ERG: variants seen among roughly 807,000 people sequenced by gnomAD.
ERG encodes transcriptional regulator ERG.
In ERG, 9 loss-of-function variants were observed where a neutral mutation model predicts 55.3. The observed-to-expected ratio is 0.16, with a 90% CI of 0.10 to 0.28. The LOEUF is 0.28. ERG is among the 10% of genes least tolerant of loss of function. The pLI is 1.00. For missense variants in ERG, 434 were observed against 631.6 expected (o/e 0.69, Z 3.35); for synonymous variants, 223 against 237.3 (o/e 0.94, Z 0.55).
At chr21:38,369,134 T>C in the ERG span, among the ~76,000 whole-genome samples, 1 of 152,246 alleles carries the variant, frequency 6.6e-6, no homozygotes. Flanking sequence ...ATATACCCAG[T>C]AATGGGATTG....
chr21:38,659,187 C>G (rs1015748), intron 1 of ERG, among the ~76,000 whole-genome samples: 10,112 of 152,228 alleles, frequency 0.066, 819 homozygotes, highest in African/African-American at 0.19. Context: ...TACCAAATGG[C>G]AAATAGCATT....
intron 2 of ERG, among the ~76,000 whole-genome samples, chr21:38,509,429 C>T (rs2059494656): frequency 6.6e-6 from 1 of 152,136 alleles, no homozygotes; most frequent in Non-Finnish European, 1.5e-5. Context: ...GAAAAATATG[C>T]CAAAATTACA....
chr21:38,645,609 C>T (rs948616900), intron 1 of ERG, among the ~76,000 whole-genome samples: 3 of 152,160 alleles, frequency 2.0e-5, no homozygotes, highest in African/African-American at 7.2e-5. Flanking sequence ...CTCAAACTAA[C>T]TCTATCTGTA....
In ERG at chr21:38,413,701, T is replaced by A. The variant is rs529214958; in HGVS notation, c.388+9709A>T. 1.2e-3 allele frequency among the ~76,000 whole-genome samples: 175 copies of A among 150,000 alleles called. 1 individual carries two copies. The highest frequency in any genetic ancestry group is 2.2e-3 in the Non-Finnish European group (146 of 67,682). On this transcript the variant is annotated intron_variant, in intron 3 of 9. Transcript: ENST00000288319. ...TAATCATCTTGTTTTTGGATAATGA[T>A]CGTTATTGTTCTTTGTTTTCTTTTG... is the stretch of plus-strand genomic sequence containing the variant.
intron 1 of ERG, among the ~76,000 whole-genome samples, chr21:38,476,386 C>G (rs921793241): frequency 3.9e-5 from 6 of 152,192 alleles, no homozygotes. Flanking sequence ...GAGCCTGGCT[C>G]TTCGTAACAC....
At chr21:38,483,396 T>A (rs2059255159) in intron 1 of ERG, among the ~76,000 whole-genome samples, 1 of 152,216 alleles carries the variant, frequency 6.6e-6, no homozygotes, top group Non-Finnish European at 1.5e-5. Flanking sequence ...AAACATCATG[T>A]TGTACACCTT....
intron 1 of ERG, among the ~76,000 whole-genome samples, chr21:38,625,542 T>C (rs2060319099): frequency 6.6e-6 from 1 of 152,168 alleles, no homozygotes; most frequent in Admixed American, 6.5e-5. Flanking sequence ...GAACATTTTC[T>C]GTCAAGGTGC....
intron 1 of ERG, among the ~76,000 whole-genome samples, chr21:38,478,495 T>A (rs116560100): frequency 2.0e-5 from 3 of 152,230 alleles, no homozygotes; most frequent in African/African-American, 7.2e-5. Context: ...AGATGGGCTA[T>A]GGGCACGTGA....
At chr21:38,406,091 C>G (rs1052187425) in intron 3 of ERG, among the ~76,000 whole-genome samples, 1 of 141,064 alleles carries the variant, frequency 7.1e-6, no homozygotes, top group African/African-American at 2.6e-5. Context: ...GGAGGTGGAG[C>G]TTGCAGTGAG....
chr21:38,555,214 C>T (rs951529375), intron 2 of ERG, among the ~76,000 whole-genome samples: 15 of 152,066 alleles, frequency 9.9e-5, no homozygotes, highest in Non-Finnish European at 8.8e-5. Context: ...GTAATCCCAG[C>T]TACTCAGGAG....
chr21:38,548,139 T>G (rs917981504), intron 2 of ERG, among the ~76,000 whole-genome samples: 1 of 152,094 alleles, frequency 6.6e-6, no homozygotes, highest in Non-Finnish European at 1.5e-5. Flanking sequence ...AGATGCAAAT[T>G]GTACCCCTGT....
downstream of ERG, among the ~76,000 whole-genome samples, chr21:38,377,645 T>G (rs1987279979): frequency 6.6e-6 from 1 of 152,220 alleles, no homozygotes; most frequent in Non-Finnish European, 1.5e-5. Flanking sequence ...GGTTCGTGAC[T>G]TCTACACCAA....
At chr21:38,374,562 G>A in the ERG span, among the ~76,000 whole-genome samples, 1 of 152,138 alleles carries the variant, frequency 6.6e-6, no homozygotes, top group South Asian at 2.1e-4. Context: ...AAGGGACCAG[G>A]CCACCTTCAG....
intron 3 of ERG, among the ~76,000 whole-genome samples, chr21:38,406,433 C>T (rs1343757634): frequency 6.6e-6 from 1 of 152,020 alleles, no homozygotes; most frequent in Non-Finnish European, 1.5e-5. Flanking sequence ...TTTCTTTTTT[C>T]ATGACATGTC....
chr21:38,482,326 C>T (rs574921757), intron 1 of ERG, among the ~76,000 whole-genome samples: 17 of 152,152 alleles, frequency 1.1e-4, no homozygotes, highest in Admixed American at 2.6e-4. Context: ...TATCACCTCA[C>T]GCCTGTTCAG....
rs187933932 is a variant in ERG, at chr21:38,496,785, G to C, written c.18+1578C>G. Among the ~76,000 whole-genome samples the C allele has an allele frequency of 2.4e-3, 359 of 152,144 alleles. 1 individual carries two copies. The highest frequency in any genetic ancestry group is 8.3e-3 in the African/African-American group (345 of 41,508). ...ACAGTATAACACATTTGGATGTTTTGCAAAATGTACCTACCTTCTAAAGGA... is the reference window on the plus strand; with the variant it reads ...ACAGTATAACACATTTGGATGTTTTCCAAAATGTACCTACCTTCTAAAGGA... On this transcript the variant is annotated intron_variant, in intron 1 of 9. Transcript: ENST00000288319.
intron 1 of ERG, among the ~76,000 whole-genome samples, chr21:38,580,663 A>G (rs1417747702): frequency 1.3e-5 from 2 of 151,700 alleles, no homozygotes; most frequent in Non-Finnish European, 2.9e-5. Context: ...ACAATAACAG[A>G]ATTCTACTTG....
intron 2 of ERG, among the ~76,000 whole-genome samples, chr21:38,506,815 C>A (rs1056841844): frequency 6.6e-6 from 1 of 152,118 alleles, no homozygotes; most frequent in South Asian, 2.1e-4. Context: ...AGGCTCTGAC[C>A]GACATCTGAA....
intron 2 of ERG, among the ~76,000 whole-genome samples, chr21:38,437,967 T>A (rs1375511507): frequency 6.6e-6 from 1 of 151,748 alleles, no homozygotes; most frequent in Non-Finnish European, 1.5e-5. Flanking sequence ...CACCAGAAAG[T>A]GAAAGTCAAA....
Sources: allele counts gnomAD v4.1 joint callset (sites outside exome capture counted in the v4.1 genomes callset), GRCh38; gene constraint gnomAD v4.1.1; transcripts MANE v1.5; gene names NCBI Gene and HGNC (gene_info 2026-07-23, HGNC 2026-07-21).